ZC3H8: variants seen among roughly 807,000 people sequenced by gnomAD.
ZC3H8 encodes the protein zinc finger CCCH domain-containing protein 8.
In ZC3H8, 27 loss-of-function variants were observed where a neutral mutation model predicts 42.5. That is an observed-to-expected ratio of 0.64 (90% CI 0.47 to 0.88). The LOEUF is 0.88. Among genes scored for constraint, ZC3H8 ranks in the 40% least tolerant of loss-of-function variants. The pLI is 0.00. For missense variants in ZC3H8, 277 were observed against 336.1 expected (o/e 0.82, Z 1.37); for synonymous variants, 101 against 110.1 (o/e 0.92, Z 0.52).
At chr2:112,254,119 G>C in intron 1 of ZC3H8, 1 of 985,184 alleles carries the variant, frequency 1.0e-6, no homozygotes, top group South Asian at 4.7e-5. Flanking sequence ...TGGATGATCA[G>C]TTAAGGTAAA....
At chr2:112,219,852 T>C (rs1261931318) in intron 8 of ZC3H8, among the ~76,000 whole-genome samples, 4 of 152,202 alleles carry the variant, frequency 2.6e-5, no homozygotes, top group African/African-American at 9.7e-5. Context: ...GATCTAATAC[T>C]GTGAGTGGAG....
intron 2 of ZC3H8, among the ~76,000 whole-genome samples, chr2:112,247,864 A>C (rs1382880648): frequency 6.6e-6 from 1 of 152,200 alleles, no homozygotes; most frequent in African/African-American, 2.4e-5. Context: ...AGTATAAAAA[A>C]CTTGTGGGAA....
intron 8 of ZC3H8, among the ~76,000 whole-genome samples, chr2:112,227,676 A>G (rs1684904202): frequency 6.6e-6 from 1 of 152,230 alleles, no homozygotes; most frequent in South Asian, 2.1e-4. Flanking sequence ...ATTTCTACAT[A>G]CTACCAATGA....
chr2:112,253,415 A>C (rs936294277), intron 1 of ZC3H8, among the ~76,000 whole-genome samples: 4 of 152,252 alleles, frequency 2.6e-5, no homozygotes, highest in Non-Finnish European at 4.4e-5. Flanking sequence ...CGGAAAAAAA[A>C]CCAGAAACCA....
At position 112,214,002 on chromosome 2, in the gene ZC3H8, G is replaced by C. The variant is rs1391979357; in HGVS notation, c.*2482C>G. 1 of 145,116 alleles carries C rather than the reference G, an allele frequency of 6.9e-6. No homozygotes were observed. The allele number at this position is 145,116 out of a possible 1,614,324, so 9.0% of individuals were successfully genotyped here. A position where few individuals can be genotyped will look rare whatever the true frequency, so the allele number is the denominator to read the frequency against. ...TCACTGTCGCCCAGGCTGGAGTGCA[G>C]TGGTGCGATCTCAGCTCACTGCAGG... On this transcript the variant is annotated 3_prime_UTR_variant, in exon 9 of 9. Coordinates refer to ENST00000409573, the MANE Select transcript of ZC3H8 (RefSeq NM_032494.3).
chr2:112,244,579 T>C (rs1319620722), intron 2 of ZC3H8, among the ~76,000 whole-genome samples: 1 of 152,210 alleles, frequency 6.6e-6, no homozygotes, highest in Admixed American at 6.5e-5. Context: ...CTTTTACAGA[T>C]TGAAGGTCTG....
intron 8 of ZC3H8, among the ~76,000 whole-genome samples, chr2:112,219,031 C>G (rs1684465778): frequency 6.6e-6 from 1 of 152,170 alleles, no homozygotes; most frequent in Non-Finnish European, 1.5e-5. Flanking sequence ...CTACCCAAAG[C>G]AATCTATGTA....
chr2:112,241,648 G>A (rs1276993753), intron 2 of ZC3H8, among the ~76,000 whole-genome samples: 1 of 152,216 alleles, frequency 6.6e-6, no homozygotes, highest in Non-Finnish European at 1.5e-5. Flanking sequence ...AGCAGTGCCT[G>A]TGACTGTCAC....
chr2:112,233,215 C>G (rs1470779487), intron 6 of ZC3H8, 45 bp downstream of exon 6: 1 of 1,281,548 alleles, frequency 7.8e-7, no homozygotes, highest in African/African-American at 1.5e-5. Flanking sequence ...TTAAAATGTT[C>G]ATGTAAATAT....
rs1026975160 is a variant in ZC3H8, at chr2:112,250,297, C to T, written c.75-25G>A. On this transcript the variant is annotated intron_variant, in intron 1 of 8. Transcript: ENST00000409573. ...TCTGTAGCAAAAATATCAAATAACA[C>T]AAAAGAGTTTTTTCAACCTGAAGTG... 5.9e-6 allele frequency: 9 copies of T among 1,527,034 alleles called. No individual in the cohort carries two copies. In the African/African-American group the frequency reaches 1.1e-4, roughly 19 times the overall value. 94.6% of individuals were successfully genotyped at this position (1,527,034 alleles called of 1,614,324 possible).
chr2:112,234,170 G>A lies in ZC3H8; in HGVS notation c.571C>T (p.Arg191Cys), dbSNP rs371803574. Residue 191 changes from arginine to cysteine, a missense_variant, in exon 5 of 9, where the codon CGC becomes TGC. By Grantham distance (180) the Arg-to-Cys change is radical. Coordinates refer to ENST00000409573, the MANE Select transcript of ZC3H8 (RefSeq NM_032494.3). ...TATTTACAAATTTGTTTTCCCTTGC[G>A]TTCCACTGTATGTTGGTTGATGAAT... ...QAFINQHTVE[R>C]KGKQICKYFL... is the part of the protein sequence containing the mutation. The A allele has an allele frequency of 2.4e-5, 39 of 1,606,270 alleles. No individual in the cohort carries two copies. The highest frequency in any genetic ancestry group is 3.1e-5 in the Non-Finnish European group (36 of 1,176,752).
intron 8 of ZC3H8, among the ~76,000 whole-genome samples, chr2:112,222,303 C>T (rs566302148): frequency 1.3e-5 from 2 of 152,060 alleles, no homozygotes; most frequent in African/African-American, 4.8e-5. Context: ...CGGGGTTGCA[C>T]CTGCCTGCAG....
Position 112,215,113 on chromosome 2 carries a change from A to G in ZC3H8, c.*1371T>C, listed in dbSNP as rs1684275429. 1 of 152,208 alleles carries G rather than the reference A, an allele frequency of 6.6e-6. No individual in the cohort carries two copies. Among genetic ancestry groups the G allele is most frequent in the South Asian group, 2.1e-4 (1 of 4,832 alleles). The allele number at this position is 152,208 out of a possible 1,614,324, so 9.4% of individuals were successfully genotyped here. On this transcript the variant is annotated 3_prime_UTR_variant, in exon 9 of 9. Coordinates refer to ENST00000409573, the MANE Select transcript of ZC3H8 (RefSeq NM_032494.3). ...AAACTATTATACATGAGGTAATATT[A>G]GGAAGTAAACTGCTAGACTGTAGTA... is the stretch of plus-strand genomic sequence containing the variant.
At chr2:112,237,162 G>A (rs1558927740) in intron 3 of ZC3H8, among the ~76,000 whole-genome samples, 1 of 152,158 alleles carries the variant, frequency 6.6e-6, no homozygotes, top group Non-Finnish European at 1.5e-5. Flanking sequence ...TTTCCTAGAA[G>A]CTCTGGGACT....
chr2:112,237,440 CT>C (rs1379842927), intron 3 of ZC3H8, among the ~76,000 whole-genome samples: 1 of 152,162 alleles, frequency 6.6e-6, no homozygotes, highest in Admixed American at 6.5e-5. Flanking sequence ...ATTTATTTAT[CT>C]ATCCGTGCAC....
chr2:112,238,814 C>A (rs1228134510), intron 2 of ZC3H8, among the ~76,000 whole-genome samples: 1 of 152,172 alleles, frequency 6.6e-6, no homozygotes, highest in African/African-American at 2.4e-5. Context: ...GTGCCTTTGA[C>A]TGAATTAAAA....
intron 8 of ZC3H8, among the ~76,000 whole-genome samples, chr2:112,228,549 A>G (rs1021991683): frequency 6.6e-6 from 1 of 152,134 alleles, no homozygotes; most frequent in Non-Finnish European, 1.5e-5. Context: ...ACATGTAAAA[A>G]AAAGTTTTGC....
chr2:112,234,222 T>C lies in ZC3H8; in HGVS notation c.519A>G (p.Lys173=), dbSNP rs779178557. The C allele has an allele frequency of 6.2e-7, 1 of 1,605,106 alleles. No individual in the cohort carries two copies. The highest frequency in any genetic ancestry group is 8.5e-7 in the Non-Finnish European group (1 of 1,176,938). The change falls in exon 5 of 9, where the codon AAA becomes AAG. Residue 173 remains lysine, a synonymous_variant. Transcript: ENST00000409573. ...CCTGACTCAAATGCTGCTGCTTCTC[T>C]TTAGGTTTACCATCCTTTAAAAACA... The part of the protein sequence containing the change: ...SGSQEEDGKP[K]EKQQHLSQAF...
intron 8 of ZC3H8, among the ~76,000 whole-genome samples, chr2:112,225,824 G>A (rs950169033): frequency 6.6e-6 from 1 of 151,508 alleles, no homozygotes; most frequent in Non-Finnish European, 1.5e-5. Context: ...GCTCACGCCT[G>A]TAATCCCAGC....
Sources: gnomAD v4.1 joint callset for allele counts (sites outside exome capture counted in the v4.1 genomes callset) on GRCh38, gnomAD v4.1.1 for gene constraint, MANE v1.5 for transcripts, NCBI Gene and HGNC (gene_info 2026-07-23, HGNC 2026-07-21) for gene names.